CNTNAP2: variants seen among roughly 807,000 people sequenced by gnomAD.
CNTNAP2 encodes the protein contactin-associated protein-like 2.
Under a neutral mutation model 155.2 loss-of-function variants are expected in CNTNAP2, and 98 were observed. The observed-to-expected ratio is 0.63, with a 90% CI of 0.54 to 0.75. The LOEUF is 0.75. CNTNAP2 is among the 30% of genes least tolerant of loss of function. The pLI is 0.00. For missense variants in CNTNAP2, 1,727 were observed against 1,688.1 expected, an observed-to-expected ratio of 1.02 and a Z score of -0.40; for synonymous variants, 651 against 631.2, an observed-to-expected ratio of 1.03 and a Z score of -0.47.
At chr7:146,579,829 T>C (rs934638443) in intron 1 of CNTNAP2, among the ~76,000 whole-genome samples, 8 of 152,078 alleles carry the variant, frequency 5.3e-5, no homozygotes, top group Non-Finnish European at 7.4e-5. Flanking sequence ...TATGTGAAAA[T>C]AACAGCTTGC....
intron 21 of CNTNAP2, among the ~76,000 whole-genome samples, chr7:148,277,350 C>T (rs576264400): frequency 2.6e-5 from 4 of 152,240 alleles, no homozygotes; most frequent in African/African-American, 7.2e-5. Flanking sequence ...CCATCCTGCC[C>T]TTTGCTTACT....
intron 13 of CNTNAP2, among the ~76,000 whole-genome samples, chr7:147,790,661 A>G (rs770777566): frequency 5.9e-5 from 9 of 152,250 alleles, no homozygotes; most frequent in Non-Finnish European, 1.2e-4. Context: ...CATGGATTCA[A>G]TATTCGCCAT....
chr7:147,759,356 G>C (rs972682848), intron 13 of CNTNAP2, among the ~76,000 whole-genome samples: 1 of 152,152 alleles, frequency 6.6e-6, no homozygotes, highest in African/African-American at 2.4e-5. Flanking sequence ...AGAAACTTTA[G>C]ACATTCTGAA....
At chr7:147,301,520 T>C (rs1346869412) in intron 9 of CNTNAP2, among the ~76,000 whole-genome samples, 1 of 152,128 alleles carries the variant, frequency 6.6e-6, no homozygotes, top group Non-Finnish European at 1.5e-5. Flanking sequence ...TCTGAAAATG[T>C]TTCTATTTGT....
At chr7:146,678,472 A>G (rs1317826901) in intron 1 of CNTNAP2, among the ~76,000 whole-genome samples, 1 of 152,206 alleles carries the variant, frequency 6.6e-6, no homozygotes, top group Non-Finnish European at 1.5e-5. Flanking sequence ...TTGAAAATGC[A>G]AAACAATTAT....
chr7:147,752,473 G>A (rs1303598968), intron 13 of CNTNAP2, among the ~76,000 whole-genome samples: 2 of 152,140 alleles, frequency 1.3e-5, no homozygotes, highest in Admixed American at 6.5e-5. Flanking sequence ...TGGAACCGTC[G>A]TTCATTCAAC....
intron 1 of CNTNAP2, among the ~76,000 whole-genome samples, chr7:146,126,253 G>A (rs1584761465): frequency 6.6e-6 from 1 of 152,060 alleles, no homozygotes; most frequent in African/African-American, 2.4e-5. Context: ...AGGCTTGATT[G>A]CTTGTATATA....
intron 9 of CNTNAP2, among the ~76,000 whole-genome samples, chr7:147,302,589 C>T (rs1406497141): frequency 2.0e-5 from 3 of 152,216 alleles, no homozygotes; most frequent in African/African-American, 7.2e-5. Flanking sequence ...CATTCTGGCT[C>T]TCAGGCCCCA....
intron 3 of CNTNAP2, among the ~76,000 whole-genome samples, chr7:147,021,674 T>C (rs1798819412): frequency 6.6e-6 from 1 of 152,216 alleles, no homozygotes; most frequent in Admixed American, 6.5e-5. Context: ...TAATTCACTT[T>C]GGAACTTCAA....
intron 3 of CNTNAP2, among the ~76,000 whole-genome samples, chr7:147,038,816 T>C (rs1015257006): frequency 7.9e-5 from 12 of 152,172 alleles, no homozygotes; most frequent in African/African-American, 2.9e-4. Context: ...GAGAGGGGGA[T>C]TTTAGTGCTT....
At chr7:148,095,446 G>T (rs931406572) in intron 15 of CNTNAP2, among the ~76,000 whole-genome samples, 1 of 152,190 alleles carries the variant, frequency 6.6e-6, no homozygotes, top group Non-Finnish European at 1.5e-5. Flanking sequence ...AATTAGCCAG[G>T]CTTCTAATAA....
chr7:148,234,238 G>A (rs371763036), intron 20 of CNTNAP2, among the ~76,000 whole-genome samples: 12 of 152,286 alleles, frequency 7.9e-5, no homozygotes, highest in Admixed American at 2.0e-4. Context: ...ACCCAGGTCC[G>A]TCATACTTCA....
chr7:147,231,252 A>C (rs1278434626), intron 8 of CNTNAP2, among the ~76,000 whole-genome samples: 4 of 152,342 alleles, frequency 2.6e-5, no homozygotes, highest in South Asian at 4.1e-4. Flanking sequence ...ATGTTGTCAC[A>C]TATGGCAGTG....
chr7:147,581,195 T>C lies in CNTNAP2; in HGVS notation c.1897+18938T>C, dbSNP rs569785767. On this transcript the variant is annotated intron_variant, in intron 12 of 23. Coordinates refer to ENST00000361727, the MANE Select transcript of CNTNAP2 (RefSeq NM_014141.6). ...TGTTGGAGATCACCATTTTTGTCAC[T>C]TCATTATAATATCCACTTTATTCCA... Among the ~76,000 whole-genome samples, 8 of 152,314 alleles carry C rather than the reference T, an allele frequency of 5.3e-5. No homozygotes were observed. The South Asian group carries it at 1.7e-3, about 32-fold the overall frequency.
At chr7:148,210,331 C>A (rs866789614) in intron 18 of CNTNAP2, among the ~76,000 whole-genome samples, 1 of 152,252 alleles carries the variant, frequency 6.6e-6, no homozygotes, top group East Asian at 1.9e-4. Context: ...CATTTGCTGT[C>A]CCCAAAACAT....
chr7:148,123,328 C>T (rs1804639502), intron 16 of CNTNAP2, among the ~76,000 whole-genome samples: 1 of 152,178 alleles, frequency 6.6e-6, no homozygotes, highest in South Asian at 2.1e-4. Flanking sequence ...TAGGTCACAC[C>T]TGTCATCCCA....
intron 12 of CNTNAP2, among the ~76,000 whole-genome samples, chr7:147,606,353 C>A (rs904940539): frequency 6.6e-6 from 1 of 152,086 alleles, no homozygotes; most frequent in Non-Finnish European, 1.5e-5. Context: ...TGCTAAGGAA[C>A]GGATTTATTT....
chr7:148,301,575 T>A (rs931891089), intron 21 of CNTNAP2, among the ~76,000 whole-genome samples: 1 of 152,192 alleles, frequency 6.6e-6, no homozygotes, highest in Non-Finnish European at 1.5e-5. Context: ...TTCTAGTTAA[T>A]GTTTTAAGTA....
intron 1 of CNTNAP2, among the ~76,000 whole-genome samples, chr7:146,149,213 A>G (rs1269691913): frequency 6.6e-6 from 1 of 152,072 alleles, no homozygotes; most frequent in Non-Finnish European, 1.5e-5. Context: ...AAAAAAAAAT[A>G]TGGTATCTTA....
Sources: allele counts gnomAD v4.1 joint callset (sites outside exome capture counted in the v4.1 genomes callset), GRCh38; gene constraint gnomAD v4.1.1; transcripts MANE v1.5; gene names NCBI Gene and HGNC (gene_info 2026-07-23, HGNC 2026-07-21).